HSD17B12: variants seen among roughly 807,000 people sequenced by gnomAD.
The protein encoded by HSD17B12 is hydroxysteroid 17-beta dehydrogenase 12.
HSD17B12 carries 32 observed loss-of-function variants against 39.3 expected under a neutral mutation model. That is an observed-to-expected ratio of 0.81 (90% CI 0.61 to 1.09). The LOEUF is 1.09. Among genes scored for constraint, HSD17B12 ranks in the 50% least tolerant of loss-of-function variants. HSD17B12 has a pLI of 0.00. For synonymous variants in HSD17B12, 150 were observed against 146.7 expected (o/e 1.02, Z -0.16); for missense variants, 342 against 382.9 (o/e 0.89, Z 0.89).
intron 6 of HSD17B12, among the ~76,000 whole-genome samples, chr11:43,819,351 C>G (rs1240910977): frequency 6.6e-6 from 1 of 152,124 alleles, no homozygotes; most frequent in Non-Finnish European, 1.5e-5. Flanking sequence ...AAGCCAAGGT[C>G]CTGGCCTTAA....
intron 4 of HSD17B12, among the ~76,000 whole-genome samples, chr11:43,814,200 G>A (rs1210680395): frequency 1.3e-5 from 2 of 151,814 alleles, no homozygotes; most frequent in Non-Finnish European, 2.9e-5. Flanking sequence ...GGATAAAGGT[G>A]TGTGAAGGTT....
chr11:43,664,391 G>C, the HSD17B12 span, among the ~76,000 whole-genome samples: 1 of 152,158 alleles, frequency 6.6e-6, no homozygotes, highest in Admixed American at 6.5e-5. Flanking sequence ...ACTTCCTCCA[G>C]GCCCCTCAAG....
At chr11:43,792,839 T>C (rs1950880654) in intron 3 of HSD17B12, among the ~76,000 whole-genome samples, 1 of 151,992 alleles carries the variant, frequency 6.6e-6, no homozygotes, top group Admixed American at 6.6e-5. Context: ...TATATTTTAA[T>C]ATGCCTAATG....
chr11:43,626,698 A>T, the HSD17B12 span, among the ~76,000 whole-genome samples: 5 of 151,998 alleles, frequency 3.3e-5, no homozygotes, highest in African/African-American at 7.2e-5. Context: ...CCCTTATGCA[A>T]ATGAAACAGC....
the HSD17B12 span, among the ~76,000 whole-genome samples, chr11:43,637,160 T>G: frequency 3.3e-5 from 5 of 151,630 alleles, no homozygotes; most frequent in African/African-American, 1.2e-4. Context: ...ATGTGAAAGC[T>G]AATGAGGGTG....
intron 6 of HSD17B12, among the ~76,000 whole-genome samples, chr11:43,818,771 G>A (rs1445578862): frequency 6.6e-6 from 1 of 152,088 alleles, no homozygotes; most frequent in Admixed American, 6.6e-5. Context: ...ATGGCTAATA[G>A]GAATATATCT....
the HSD17B12 span, among the ~76,000 whole-genome samples, chr11:43,571,267 C>G: frequency 6.6e-6 from 1 of 152,222 alleles, no homozygotes; most frequent in Non-Finnish European, 1.5e-5. Context: ...GCAGGTATCT[C>G]TAAACATGCT....
At chr11:43,754,812 A>C in intron 3 of HSD17B12, 1 of 745,974 alleles carries the variant, frequency 1.3e-6, no homozygotes, top group East Asian at 2.5e-5. Context: ...ATGTGTTAGG[A>C]AAAATAGAAA....
At chr11:43,596,236 G>A in the HSD17B12 span, among the ~76,000 whole-genome samples, 1 of 152,066 alleles carries the variant, frequency 6.6e-6, no homozygotes, top group African/African-American at 2.4e-5. Context: ...AGCATGAGAG[G>A]CACCATCTTG....
At chr11:43,744,901 G>A (rs1333904576) in intron 1 of HSD17B12, among the ~76,000 whole-genome samples, 3 of 152,206 alleles carry the variant, frequency 2.0e-5, no homozygotes, top group African/African-American at 7.2e-5. Flanking sequence ...AATGAGGTAA[G>A]GGAGCCCAAC....
the HSD17B12 span, among the ~76,000 whole-genome samples, chr11:43,618,580 G>T: frequency 6.6e-6 from 1 of 152,092 alleles, no homozygotes; most frequent in African/African-American, 2.4e-5. Context: ...GGTAATAATG[G>T]CCAACTCAAA....
At chr11:43,764,141 A>C (rs1016455519) in intron 3 of HSD17B12, among the ~76,000 whole-genome samples, 1 of 152,144 alleles carries the variant, frequency 6.6e-6, no homozygotes, top group South Asian at 2.1e-4. Context: ...ATTTACCTTA[A>C]TTAGGAGTGT....
intron 7 of HSD17B12, among the ~76,000 whole-genome samples, chr11:43,835,789 G>A (rs1951364447): frequency 6.6e-6 from 1 of 152,122 alleles, no homozygotes; most frequent in African/African-American, 2.4e-5. Flanking sequence ...CCTCCTAGAA[G>A]TTTTCAATAG....
rs749400819 is a variant in HSD17B12, at chr11:43,680,907, C to T, written c.80C>T (p.Ser27Leu). ...GTVAYLALRISYSLFTALRVW... is the reference protein window; with the variant it reads ...GTVAYLALRILYSLFTALRVW... ...GTGGCCTACCTAGCCCTGCGTATTT[C>T]GTACTCGCTCTTCACGGCCCTCCGG... is the stretch of plus-strand genomic sequence containing the variant. The change falls in exon 1 of 11, where the codon TCG (serine) becomes TTG (leucine). Residue 27 changes from serine (S) to leucine (L), a missense_variant. By Grantham distance (145) the Ser-to-Leu change is moderately radical (BLOSUM62 -2). Coordinates refer to ENST00000278353, the MANE Select transcript of HSD17B12 (RefSeq NM_016142.3). 8.1e-6 allele frequency: 13 copies of T among 1,613,832 alleles called. No homozygotes were observed. Among genetic ancestry groups the T allele is most frequent in the South Asian group, 1.1e-5 (1 of 91,078 alleles).
At chr11:43,779,926 T>C (rs903087566) in intron 3 of HSD17B12, among the ~76,000 whole-genome samples, 4 of 152,224 alleles carry the variant, frequency 2.6e-5, no homozygotes, top group African/African-American at 9.6e-5. Context: ...AAACTTGGTT[T>C]CTTTTTTCAT....
chr11:43,697,189 CA>C (rs1302814709), intron 1 of HSD17B12, among the ~76,000 whole-genome samples: 3 of 151,996 alleles, frequency 2.0e-5, no homozygotes, highest in Non-Finnish European at 2.9e-5. Flanking sequence ...AACAAACAAA[CA>C]AAAAGAAAGC....
the HSD17B12 span, among the ~76,000 whole-genome samples, chr11:43,628,575 T>C: frequency 6.6e-6 from 1 of 152,042 alleles, no homozygotes; most frequent in Non-Finnish European, 1.5e-5. Flanking sequence ...ATTATAGCCA[T>C]GGCTAAAGAA....
At chr11:43,624,070 T>A in the HSD17B12 span, among the ~76,000 whole-genome samples, 1 of 151,948 alleles carries the variant, frequency 6.6e-6, no homozygotes, top group East Asian at 1.9e-4. Context: ...AAAAAAATCT[T>A]CTACCTAAAA....
At chr11:43,658,448 CT>C in the HSD17B12 span, among the ~76,000 whole-genome samples, 8 of 152,204 alleles carry the variant, frequency 5.3e-5, no homozygotes, top group South Asian at 8.3e-4. Context: ...AGCTGCGTTT[CT>C]TTGGAGGAGG....
Sources: gnomAD v4.1 joint callset for allele counts (sites outside exome capture counted in the v4.1 genomes callset) on GRCh38, gnomAD v4.1.1 for gene constraint, MANE v1.5 for transcripts, NCBI Gene and HGNC (gene_info 2026-07-23, HGNC 2026-07-21) for gene names.